Variants in CSMD1 observed in about 807,000 individuals in gnomAD.
CSMD1 encodes the protein CUB and Sushi multiple domains 1.
A neutral mutation model predicts 417.5 loss-of-function variants in CSMD1; 213 were observed. The ratio of observed to expected loss-of-function variants is 0.51; its 90% confidence interval spans 0.46 to 0.57. The LOEUF (loss-of-function observed/expected upper bound fraction) is 0.57, where lower values mean the gene tolerates loss of function less well. CSMD1 is among the 20% of genes least tolerant of loss of function. The pLI is 0.00. For synonymous variants in CSMD1, 2,862 were observed against 1,736.8 expected, an observed-to-expected ratio of 1.65 and a Z score of -16.11; for missense variants, 6,923 against 4,529.7, an observed-to-expected ratio of 1.53 and a Z score of -15.17.
intron 40 of CSMD1, 65 bp downstream of exon 40, chr8:3,151,332 T>C: frequency 9.7e-7 from 1 of 1,029,316 alleles, no homozygotes; most frequent in Non-Finnish European, 1.5e-6. Context: ...TTTATTCTGC[T>C]TAATTCTTTC....
intron 3 of CSMD1, among the ~76,000 whole-genome samples, chr8:4,361,887 G>A (rs1413578442): frequency 2.0e-5 from 3 of 152,128 alleles, no homozygotes; most frequent in Non-Finnish European, 2.9e-5. Context: ...CCCGGGAGGC[G>A]GAGCTTGCAG....
At chr8:3,280,534 CT>C (rs1802652932) in intron 26 of CSMD1, among the ~76,000 whole-genome samples, 1 of 152,110 alleles carries the variant, frequency 6.6e-6, no homozygotes, top group Admixed American at 6.6e-5. Context: ...ATTCTAGCCC[CT>C]AAATGAGTAT....
chr8:3,406,480 T>C (rs570645468), intron 14 of CSMD1, among the ~76,000 whole-genome samples: 159 of 152,292 alleles, frequency 1.0e-3, no homozygotes, highest in African/African-American at 3.7e-3. Context: ...GCACTTTTCA[T>C]AGGAGCTTAG....
intron 4 of CSMD1, among the ~76,000 whole-genome samples, chr8:3,999,910 T>G (rs1022923429): frequency 6.6e-6 from 1 of 152,172 alleles, no homozygotes; most frequent in Non-Finnish European, 1.5e-5. Context: ...CTCAGGAAAC[T>G]CATTTTTTAG....
At chr8:4,028,199 T>C (rs1223910199) in intron 4 of CSMD1, among the ~76,000 whole-genome samples, 4 of 152,204 alleles carry the variant, frequency 2.6e-5, no homozygotes, top group African/African-American at 9.7e-5. Flanking sequence ...ATCATATGAA[T>C]TTCTCTAGGA....
At chr8:3,297,270 C>T (rs973793712) in intron 25 of CSMD1, among the ~76,000 whole-genome samples, 1 of 152,066 alleles carries the variant, frequency 6.6e-6, no homozygotes, top group Non-Finnish European at 1.5e-5. Flanking sequence ...CTATTGATGT[C>T]ATGGGATATC....
At chr8:3,562,508 G>T (rs1337370784) in intron 10 of CSMD1, among the ~76,000 whole-genome samples, 2 of 151,840 alleles carry the variant, frequency 1.3e-5, no homozygotes, top group African/African-American at 4.8e-5. Context: ...GAGTGCCACA[G>T]CAATCCAAAA....
chr8:4,735,256 A>T (rs1288963450), intron 1 of CSMD1, among the ~76,000 whole-genome samples: 3 of 152,132 alleles, frequency 2.0e-5, no homozygotes, highest in African/African-American at 7.2e-5. Flanking sequence ...AGCACTGAAA[A>T]AGCCTAAGGT....
At chr8:3,741,106 T>G (rs927450930) in intron 6 of CSMD1, among the ~76,000 whole-genome samples, 2 of 150,966 alleles carry the variant, frequency 1.3e-5, no homozygotes, top group Non-Finnish European at 2.9e-5. Context: ...TCCCAGCTAC[T>G]TGGAGTTTGA....
rs375594761 is a variant in CSMD1 at position 3,627,984 on chromosome 8, C to T, written c.1010-11187G>A. On this transcript the variant is annotated intron_variant, in intron 7 of 69. Coordinates refer to ENST00000635120, the MANE Select transcript of CSMD1 (RefSeq NM_033225.6). ...CACACTTCGCTAATATTTGAGCTTA[C>T]CTTATATATCTAATATGAATTCCTA... Among the ~76,000 whole-genome samples the T allele has an allele frequency of 7.9e-5, 12 of 152,194 alleles. No homozygotes were observed. In the East Asian group the frequency reaches 2.3e-3, roughly 29 times the overall value.
chr8:4,379,171 G>A (rs984178509), intron 3 of CSMD1, among the ~76,000 whole-genome samples: 8 of 152,166 alleles, frequency 5.3e-5, no homozygotes, highest in Admixed American at 3.9e-4. Flanking sequence ...GGAAATGGCT[G>A]ATTTATTCTG....
chr8:4,910,764 C>T (rs145989134), intron 1 of CSMD1, among the ~76,000 whole-genome samples: 5 of 152,150 alleles, frequency 3.3e-5, no homozygotes, highest in Admixed American at 6.5e-5. Context: ...TGTCTCACCC[C>T]AACAAGGACC....
chr8:4,569,679 A>T (rs1197922671), intron 2 of CSMD1, among the ~76,000 whole-genome samples: 1 of 152,186 alleles, frequency 6.6e-6, no homozygotes. Context: ...CTGTGAACAA[A>T]GTCAATGGTA....
chr8:4,541,525 A>G (rs1011684685), intron 2 of CSMD1, among the ~76,000 whole-genome samples: 4 of 152,042 alleles, frequency 2.6e-5, no homozygotes, highest in East Asian at 1.9e-4. Context: ...AACTGGGCCT[A>G]TTGCTTGAGG....
chr8:3,511,027 A>C (rs933154944), intron 10 of CSMD1, among the ~76,000 whole-genome samples: 2 of 151,892 alleles, frequency 1.3e-5, no homozygotes, highest in Non-Finnish European at 2.9e-5. Flanking sequence ...TGGCACTTAT[A>C]CACCATGGAA....
chr8:3,305,790 CT>C (rs1804791245), intron 25 of CSMD1, among the ~76,000 whole-genome samples: 1 of 152,178 alleles, frequency 6.6e-6, no homozygotes, highest in Admixed American at 6.5e-5. Context: ...CACCATTCTC[CT>C]GCCTCAGCCT....
At chr8:4,511,088 C>T (rs1425651918) in intron 2 of CSMD1, among the ~76,000 whole-genome samples, 1 of 152,122 alleles carries the variant, frequency 6.6e-6, no homozygotes, top group East Asian at 1.9e-4. Flanking sequence ...GGTCAGCACT[C>T]TCCTGTTCAA....
At chr8:4,787,654 T>A in intron 1 of CSMD1, 1 of 1,586,820 alleles carries the variant, frequency 6.3e-7, no homozygotes, top group East Asian at 2.2e-5. Flanking sequence ...GAAATCCTGG[T>A]GTCAAGGAAG....
chr8:4,879,919 A>G (rs1385218609), intron 1 of CSMD1, among the ~76,000 whole-genome samples: 1 of 152,104 alleles, frequency 6.6e-6, no homozygotes, highest in Non-Finnish European at 1.5e-5. Flanking sequence ...TTATCTCATT[A>G]ACTTCCCAAC....
Sources: allele counts gnomAD v4.1 joint callset (sites outside exome capture counted in the v4.1 genomes callset), GRCh38; gene constraint gnomAD v4.1.1; transcripts MANE v1.5; gene names NCBI Gene and HGNC (gene_info 2026-07-23, HGNC 2026-07-21).